VAC14: variants seen among roughly 807,000 people sequenced by gnomAD.
The protein encoded by VAC14 is protein VAC14 homolog.
VAC14 carries 47 observed loss-of-function variants against 85.3 expected under a neutral mutation model. The observed-to-expected ratio is 0.55, with a 90% CI of 0.44 to 0.70. The LOEUF (loss-of-function observed/expected upper bound fraction) is 0.70, where lower values mean the gene tolerates loss of function less well. VAC14 is among the 30% of genes least tolerant of loss of function. VAC14 has a pLI of 0.00. For missense variants in VAC14, 861 were observed against 1,004.3 expected (o/e 0.86, Z 1.93); for synonymous variants, 447 against 430.5 (o/e 1.04, Z -0.47).
chr16:70,689,139 C>G (rs563039071), intron 18 of VAC14: 2 of 978,864 alleles, frequency 2.0e-6, no homozygotes, highest in Non-Finnish European at 2.4e-6. Context: ...AACTCCACCG[C>G]TTCCTAGCGG....
At chr16:70,742,802 C>G (rs1158065636) in intron 13 of VAC14, among the ~76,000 whole-genome samples, 1 of 152,248 alleles carries the variant, frequency 6.6e-6, no homozygotes, top group African/African-American at 2.4e-5. Context: ...TGGCGGGAGG[C>G]TGAGGCTGTA....
At chr16:70,788,259 G>A (rs1383417872) in intron 1 of VAC14, among the ~76,000 whole-genome samples, 1 of 152,260 alleles carries the variant, frequency 6.6e-6, no homozygotes, top group Non-Finnish European at 1.5e-5. Context: ...GCTGTTCAAA[G>A]AGGGACCGGG....
Position 70,762,405 on chromosome 16 carries a change from G to T in VAC14, c.1371+135C>A. On this transcript the variant is annotated intron_variant, in intron 12 of 18. Transcript: ENST00000261776. The surrounding 1 kb of genome is among the most constrained non-coding windows in gnomAD (Gnocchi z 4.1). ...AAACAGGTGTGAGCCACTGCACCTG[G>T]CCCCAAAGTGAGTATTAAACACAGC... 1.1e-6 allele frequency: 1 copy of T among 919,114 alleles called. No homozygotes were observed. The highest frequency in any genetic ancestry group is 1.7e-6 in the Non-Finnish European group (1 of 586,970). The allele number at this position is 919,114 out of a possible 1,614,324, so 56.9% of individuals were successfully genotyped here.
In VAC14 at chr16:70,700,705, C is replaced by T. The variant is rs532612186; in HGVS notation, c.1662-1894G>A. 4.6e-5 allele frequency among the ~76,000 whole-genome samples: 7 copies of T among 152,330 alleles called. No homozygotes were observed. In the South Asian group the frequency reaches 1.2e-3, roughly 27 times the overall value. On this transcript the variant is annotated intron_variant, in intron 14 of 18. Coordinates refer to ENST00000261776, the MANE Select transcript of VAC14 (RefSeq NM_018052.5). ...AGAGCCCAGACAGTGCTTCCTGGCCCCTCCCGGTCCCCCAACCCCTCCATG... is the reference window on the plus strand; with the variant it reads ...AGAGCCCAGACAGTGCTTCCTGGCCTCTCCCGGTCCCCCAACCCCTCCATG...
rs1331567920 is a variant in VAC14, at chr16:70,785,758, C to A, written c.367G>T (p.Val123Leu). The A allele has an allele frequency of 6.3e-7, 1 of 1,579,128 alleles. No homozygotes were observed. The highest frequency in any genetic ancestry group is 8.6e-7 in the Non-Finnish European group (1 of 1,160,924). Reference protein sequence around the residue: ...ACEALYNIVKVARGAVLPHFN... With the variant: ...ACEALYNIVKLARGAVLPHFN... ...TGGGGCAGCACAGCGCCCCGGGCCA[C>A]CTTGACGATGTTGTAGAGGGCCTCG... The change falls in exon 3 of 19, where the codon GTG becomes TTG. Residue 123 changes from valine to leucine, a missense_variant. Around this residue, in one of 3 missense-constraint regions of VAC14, gnomAD observed 629 missense variants for 703.1 expected, o/e 0.89. Coordinates refer to ENST00000261776, the MANE Select transcript of VAC14 (RefSeq NM_018052.5).
At chr16:70,719,315 T>TA (rs575839718) in intron 14 of VAC14, among the ~76,000 whole-genome samples, 102 of 152,204 alleles carry the variant, frequency 6.7e-4, no homozygotes, top group Non-Finnish European at 1.2e-3. Flanking sequence ...CATGAGCTCC[T>TA]AATTCCCCGA....
At chr16:70,773,850 C>T (rs1374481505) in intron 9 of VAC14, among the ~76,000 whole-genome samples, 2 of 151,914 alleles carry the variant, frequency 1.3e-5, no homozygotes, top group Non-Finnish European at 2.9e-5. Flanking sequence ...CTGCAATCTT[C>T]GCCTCCTGCA....
chr16:70,758,075 G>A (rs552424239), intron 12 of VAC14, among the ~76,000 whole-genome samples: 1 of 152,186 alleles, frequency 6.6e-6, no homozygotes, highest in East Asian at 1.9e-4. Flanking sequence ...AACACTGAGA[G>A]TACTCATCAT....
At chr16:70,716,638 T>A (rs183749974) in intron 14 of VAC14, 1 of 152,408 alleles carries the variant, frequency 6.6e-6, no homozygotes, top group East Asian at 1.9e-4. Flanking sequence ...CTGATCAGTT[T>A]TGGCCCTGCG....
chr16:70,689,882 A>C, intron 18 of VAC14: 16 of 985,510 alleles, frequency 1.6e-5, no homozygotes, highest in Non-Finnish European at 1.9e-5. Context: ...TAAGGAGGCC[A>C]AGGGCCACCC....
chr16:70,751,337 C>T (rs369164170), intron 12 of VAC14, among the ~76,000 whole-genome samples: 10 of 152,220 alleles, frequency 6.6e-5, no homozygotes, highest in Admixed American at 3.3e-4. Flanking sequence ...GAGAGGTGAA[C>T]TCAGGCTAAA....
chr16:70,780,553 C>T (rs186593958), intron 9 of VAC14, among the ~76,000 whole-genome samples: 233 of 152,344 alleles, frequency 1.5e-3, no homozygotes, highest in Non-Finnish European at 1.7e-3. Flanking sequence ...GGTTCCAATC[C>T]GGTTCCAGTC....
chr16:70,789,201 G>T (rs979849831), intron 1 of VAC14, among the ~76,000 whole-genome samples: 1 of 152,140 alleles, frequency 6.6e-6, no homozygotes, highest in African/African-American at 2.4e-5. Context: ...AAACACAGAA[G>T]GCGGTGGGAG....
In VAC14 at chr16:70,762,013, C is replaced by T. The variant is rs2032430112; in HGVS notation, c.1371+527G>A. Among the ~76,000 whole-genome samples, 1 of 152,220 alleles carries T rather than the reference C, an allele frequency of 6.6e-6. No individual in the cohort carries two copies. The highest frequency in any genetic ancestry group is 1.9e-4 in the East Asian group (1 of 5,186). ...GCAGCCTCACTCCAAGCCAAGCTCC[C>T]CGCCTGTCCTGTGCTGCCTCCCTTA... On this transcript the variant is annotated intron_variant, in intron 12 of 18. Coordinates refer to ENST00000261776, the MANE Select transcript of VAC14 (RefSeq NM_018052.5). This position sits in a 1 kb window ranked among gnomAD's most constrained non-coding sequence, Gnocchi z 4.1.
At chr16:70,796,033 C>T (rs182676382) in intron 1 of VAC14, among the ~76,000 whole-genome samples, 11 of 152,298 alleles carry the variant, frequency 7.2e-5, no homozygotes, top group Middle Eastern at 6.8e-3. Flanking sequence ...TTCATTACGA[C>T]TGATCAATGA....
chr16:70,746,957 T>A (rs2030945078), intron 12 of VAC14: 1 of 152,154 alleles, frequency 6.6e-6, no homozygotes, highest in South Asian at 2.1e-4. Context: ...CCCAGAGAGC[T>A]GCCATAGGTA....
chr16:70,690,550 CA>C (rs2053577969), intron 18 of VAC14: 1 of 985,466 alleles, frequency 1.0e-6, no homozygotes, highest in African/African-American at 1.7e-5. Flanking sequence ...GCCCAGAAGC[CA>C]GGGGGTGGGG....
At chr16:70,764,486 G>A (rs182304035) in intron 10 of VAC14, among the ~76,000 whole-genome samples, 2 of 152,250 alleles carry the variant, frequency 1.3e-5, no homozygotes, top group Admixed American at 1.3e-4. Context: ...GGTAAACACT[G>A]GCCCCGTCAA....
chr16:70,729,768 A>C (rs1026475754), intron 14 of VAC14, among the ~76,000 whole-genome samples: 2 of 151,948 alleles, frequency 1.3e-5, no homozygotes, highest in African/African-American at 4.8e-5. Flanking sequence ...AAAGCTCCAC[A>C]AGTGCAGAAC....
Sources: allele counts gnomAD v4.1 joint callset (sites outside exome capture counted in the v4.1 genomes callset), GRCh38; gene constraint gnomAD v4.1.1; regional missense constraint gnomAD v4.1.1; non-coding constraint Gnocchi (gnomAD v3.1); transcripts MANE v1.5; gene names NCBI Gene and HGNC (gene_info 2026-07-23, HGNC 2026-07-21).